SORCS1: variants seen among roughly 807,000 people sequenced by gnomAD.
SORCS1 encodes the protein VPS10 domain-containing receptor SorCS1.
In SORCS1, 60 loss-of-function variants were observed where a neutral mutation model predicts 146.1. The observed-to-expected ratio is 0.41, with a 90% CI of 0.33 to 0.51. The LOEUF (loss-of-function observed/expected upper bound fraction) is 0.51, where lower values mean the gene tolerates loss of function less well. Ranked by LOEUF, SORCS1 falls within the 20% of genes least tolerant of loss-of-function variation. SORCS1 has a pLI of 0.21. For synonymous variants in SORCS1, 637 were observed against 584.0 expected (o/e 1.09, Z -1.31); for missense variants, 1,352 against 1,487.6 (o/e 0.91, Z 1.50).
At chr10:106,722,110 A>G (rs1281422212) in intron 6 of SORCS1, among the ~76,000 whole-genome samples, 1 of 108,278 alleles carries the variant, frequency 9.2e-6, no homozygotes, top group Non-Finnish European at 1.8e-5. Context: ...AAATATAGCA[A>G]ATATATAAAT....
intron 6 of SORCS1, among the ~76,000 whole-genome samples, chr10:106,720,845 C>T (rs1855731636): frequency 2.0e-5 from 3 of 151,942 alleles, no homozygotes; most frequent in Non-Finnish European, 1.5e-5. Context: ...CATATAATGG[C>T]TACAAAGAAC....
chr10:107,154,019 T>C (rs1371432923), intron 1 of SORCS1, among the ~76,000 whole-genome samples: 7 of 143,178 alleles, frequency 4.9e-5, no homozygotes, highest in Non-Finnish European at 7.6e-5. Flanking sequence ...TTTTTTTTTT[T>C]TTTTTTTTTT....
At chr10:106,647,032 T>G (rs990986012) in intron 18 of SORCS1, among the ~76,000 whole-genome samples, 2 of 142,172 alleles carry the variant, frequency 1.4e-5, no homozygotes, top group East Asian at 4.0e-4. Context: ...TATATATATA[T>G]ATATATATAT....
At chr10:106,725,290 C>A (rs917298935) in intron 6 of SORCS1, among the ~76,000 whole-genome samples, 1 of 152,144 alleles carries the variant, frequency 6.6e-6, no homozygotes, top group Non-Finnish European at 1.5e-5. Context: ...TGGCTCATGT[C>A]TGTAATCACA....
At chr10:106,956,704 C>T in intron 1 of SORCS1, 124 bp from the exon 2 acceptor site, 1 of 800,596 alleles carries the variant, frequency 1.2e-6, no homozygotes, top group South Asian at 1.7e-5. Context: ...TGAATTGTTA[C>T]AGCATTTGCC....
rs149980421 is a variant in SORCS1 at position 107,140,801 on chromosome 10, C to G, written c.558+23168G>C. Among the ~76,000 whole-genome samples, 529 of 152,294 alleles carry G rather than the reference C, an allele frequency of 3.5e-3. 2 individuals carry two copies. Among genetic ancestry groups the G allele is most frequent in the African/African-American group, 0.012 (512 of 41,558 alleles). On this transcript the variant is annotated intron_variant, in intron 1 of 25. Transcript: ENST00000263054. ...GGACAAAATGCTTTACATGCATGAT[C>G]TCTTGTAATACTCAAGTTAACCCTG...
At chr10:107,043,291 T>C (rs2134002625) in intron 1 of SORCS1, among the ~76,000 whole-genome samples, 1 of 152,204 alleles carries the variant, frequency 6.6e-6, no homozygotes, top group South Asian at 2.1e-4. Context: ...GAGGAGGACA[T>C]AGCAATGGGA....
intron 1 of SORCS1, among the ~76,000 whole-genome samples, chr10:107,133,504 C>T (rs1435145965): frequency 1.3e-5 from 2 of 152,118 alleles, no homozygotes; most frequent in African/African-American, 4.8e-5. Flanking sequence ...TGAAGCCTTT[C>T]AATATCCTTT....
chr10:106,626,142 A>T (rs1025901883), intron 19 of SORCS1, among the ~76,000 whole-genome samples: 6 of 151,816 alleles, frequency 4.0e-5, no homozygotes, highest in Non-Finnish European at 7.4e-5. Context: ...TCTGCACTGG[A>T]GAGTGGTCGG....
intron 1 of SORCS1, among the ~76,000 whole-genome samples, chr10:107,040,978 AT>A (rs1959129955): frequency 6.6e-6 from 1 of 152,220 alleles, no homozygotes; most frequent in Admixed American, 6.5e-5. Context: ...TAACAAAAAA[AT>A]CCTCAAATAA....
At chr10:106,638,959 T>C (rs1848889227) in intron 18 of SORCS1, among the ~76,000 whole-genome samples, 1 of 152,230 alleles carries the variant, frequency 6.6e-6, no homozygotes, top group African/African-American at 2.4e-5. Context: ...ATTATTCTTG[T>C]TATTGGCATT....
chr10:107,079,254 C>A (rs1963140697), intron 1 of SORCS1, among the ~76,000 whole-genome samples: 1 of 151,522 alleles, frequency 6.6e-6, no homozygotes, highest in African/African-American at 2.4e-5. Context: ...GTGTTGAGAT[C>A]ATAAAGAAAG....
chr10:106,806,164 T>C (rs1241098558), intron 3 of SORCS1, among the ~76,000 whole-genome samples: 2 of 148,730 alleles, frequency 1.3e-5, no homozygotes, highest in Non-Finnish European at 3.0e-5. Flanking sequence ...GGTCAAGAGA[T>C]CGAGATCATC....
chr10:106,991,178 G>A (rs1301287019), intron 1 of SORCS1, among the ~76,000 whole-genome samples: 1 of 152,164 alleles, frequency 6.6e-6, no homozygotes, highest in Non-Finnish European at 1.5e-5. Context: ...TGACACGGAA[G>A]GCCCTCGGGA....
At chr10:107,024,064 C>T (rs899540873) in intron 1 of SORCS1, among the ~76,000 whole-genome samples, 1 of 151,292 alleles carries the variant, frequency 6.6e-6, no homozygotes. Flanking sequence ...GTCCCAGCTA[C>T]TCAGGAGGCT....
intron 3 of SORCS1, among the ~76,000 whole-genome samples, chr10:106,783,941 G>C (rs1463040747): frequency 1.3e-5 from 2 of 152,002 alleles, no homozygotes; most frequent in Admixed American, 1.3e-4. Flanking sequence ...CTATTACAGT[G>C]TAACTATTTT....
chr10:106,673,506 AC>A (rs1468942806), intron 14 of SORCS1, among the ~76,000 whole-genome samples: 1 of 152,220 alleles, frequency 6.6e-6, no homozygotes. Flanking sequence ...CATTGCAAAA[AC>A]AAAATCAAGT....
Position 106,699,177 on chromosome 10 carries a change from T to G in SORCS1, c.1413+37A>C, listed in dbSNP as rs902696017. 7.7e-6 allele frequency: 12 copies of G among 1,550,440 alleles called. No individual in the cohort carries two copies. The African/African-American group carries it at 1.4e-4, about 18-fold the overall frequency. ...GGGCTTCCATCAGCCAGCTGGGCAC[T>G]GCTGTGGCTTAGGACCACATATGCC... On this transcript the variant is annotated intron_variant, in intron 9 of 25. Coordinates refer to ENST00000263054, the MANE Select transcript of SORCS1 (RefSeq NM_052918.5).
At chr10:106,761,160 A>C (rs1242048900) in intron 5 of SORCS1, among the ~76,000 whole-genome samples, 1 of 152,166 alleles carries the variant, frequency 6.6e-6, no homozygotes, top group Non-Finnish European at 1.5e-5. Flanking sequence ...AAAATCAGGA[A>C]TGAGAGGAAG....
Sources: allele counts gnomAD v4.1 joint callset (sites outside exome capture counted in the v4.1 genomes callset), GRCh38; gene constraint gnomAD v4.1.1; transcripts MANE v1.5; gene names NCBI Gene and HGNC (gene_info 2026-07-23, HGNC 2026-07-21).